MAP3K15: variants seen among roughly 807,000 people sequenced by gnomAD.
The protein encoded by MAP3K15 is mitogen-activated protein kinase kinase kinase 15.
A neutral mutation model predicts 99.5 loss-of-function variants in MAP3K15; 124 were observed. That is an observed-to-expected ratio of 1.25 (90% CI 1.08 to 1.45). MAP3K15 has a LOEUF of 1.45. Ranked by LOEUF, MAP3K15 falls within the 40% of genes most tolerant of loss-of-function variation. The pLI is 0.00. For missense variants in MAP3K15, 1,242 were observed against 1,079.7 expected (o/e 1.15, Z -2.11); for synonymous variants, 494 against 439.6 (o/e 1.12, Z -1.55).
intron 19 of MAP3K15, among the ~76,000 whole-genome samples, chrX:19,379,440 CCTT>C (rs1326004626): frequency 1.2e-5 from 1 of 85,534 alleles, no homozygotes; most frequent in African/African-American, 5.3e-5. Flanking sequence ...TAGTGTTTTT[CCTT>C]TTTTTTTTTT....
At position 19,515,375 on chromosome X, in the gene MAP3K15, G is replaced by A. The variant is rs2064555786; in HGVS notation, c.-114C>T. The stretch of plus-strand genomic sequence containing the variant: ...CCCGGCACCTGCTCCTGAAGCGCGG[G>A]ACGCTACGGGAATCGAGGGAACGGA... On this transcript the variant is annotated 5_prime_UTR_variant, in exon 1 of 29. Coordinates refer to ENST00000338883, the MANE Select transcript of MAP3K15 (RefSeq NM_001001671.4). The A allele has an allele frequency of 2.3e-6, 1 of 427,320 alleles. No individual in the cohort carries two copies. Among genetic ancestry groups the A allele is most frequent in the Non-Finnish European group, 3.0e-6 (1 of 329,733 alleles). 35.2% of individuals were successfully genotyped at this position (427,320 alleles called of 1,213,427 possible).
chrX:19,424,253 TACACATATATATACACACATATATAC>T (rs2063811286), intron 9 of MAP3K15, among the ~76,000 whole-genome samples: 2 of 105,401 alleles, frequency 1.9e-5, no homozygotes, highest in Non-Finnish European at 3.8e-5. Context: ...TACATATATA[TACACATATATATACACACATATATAC>T]ACACATATAT....
intron 25 of MAP3K15, among the ~76,000 whole-genome samples, chrX:19,366,058 A>C (rs1293554434): frequency 1.9e-5 from 2 of 107,718 alleles, no homozygotes; most frequent in African/African-American, 6.8e-5. Context: ...TGAAGTTGCC[A>C]TGAGAAGTCA....
chrX:19,452,067 AGAG>A (rs1177643445), intron 6 of MAP3K15, among the ~76,000 whole-genome samples: 4 of 32 alleles, frequency 0.12, no homozygotes, highest in South Asian at 1. Flanking sequence ...AGAGAAGAGA[AGAG>A]AAGAGAAGAG....
intron 1 of MAP3K15, among the ~76,000 whole-genome samples, chrX:19,502,500 G>A (rs889709914): frequency 1.8e-5 from 2 of 111,439 alleles, no homozygotes; most frequent in Non-Finnish European, 3.8e-5. Flanking sequence ...GCCCTCCCCA[G>A]CCATGCTAAA....
chrX:19,444,839 A>T (rs2063984050), intron 6 of MAP3K15, among the ~76,000 whole-genome samples: 1 of 111,399 alleles, frequency 9.0e-6, no homozygotes, highest in Non-Finnish European at 1.9e-5. Context: ...CGAAAGACAC[A>T]CAATGGCCTG....
At chrX:19,471,206 AAG>A (rs920164234) in intron 3 of MAP3K15, among the ~76,000 whole-genome samples, 5 of 111,880 alleles carry the variant, frequency 4.5e-5, no homozygotes, top group African/African-American at 1.6e-4. Context: ...GTCCCAGAAG[AAG>A]AGGAGAGAAA....
chrX:19,500,745 C>A (rs1463254913), intron 1 of MAP3K15, among the ~76,000 whole-genome samples: 1 of 112,505 alleles, frequency 8.9e-6, no homozygotes, highest in Admixed American at 9.5e-5. Flanking sequence ...GGGATTGAAA[C>A]AGCACCTATT....
chrX:19,413,054 C>A (rs189841049), intron 11 of MAP3K15, among the ~76,000 whole-genome samples: 4 of 109,066 alleles, frequency 3.7e-5, no homozygotes, highest in Non-Finnish European at 7.6e-5. Flanking sequence ...CCTCTACCCA[C>A]TTCCCTAAGG....
At chrX:19,431,989 A>C (rs1386049732) in intron 6 of MAP3K15, among the ~76,000 whole-genome samples, 1 of 102,109 alleles carries the variant, frequency 9.8e-6, no homozygotes, top group Non-Finnish European at 2.0e-5. Flanking sequence ...ACATATACGC[A>C]TTCATCATGC....
chrX:19,378,832 G>A (rs186558955), intron 19 of MAP3K15, among the ~76,000 whole-genome samples: 8 of 111,519 alleles, frequency 7.2e-5, no homozygotes, highest in Non-Finnish European at 1.1e-4. Context: ...ACCCCCACCC[G>A]CAATGCTCAA....
intron 16 of MAP3K15, among the ~76,000 whole-genome samples, chrX:19,393,799 G>A (rs1300188257): frequency 2.9e-5 from 2 of 70,085 alleles, no homozygotes; most frequent in Non-Finnish European, 5.0e-5. Context: ...TGAAGACGGA[G>A]TCTCACTGTG....
At chrX:19,442,523 A>T (rs1170420696) in intron 6 of MAP3K15, among the ~76,000 whole-genome samples, 1 of 46,817 alleles carries the variant, frequency 2.1e-5, no homozygotes. Context: ...CCCATTCAAC[A>T]ATTTTTTTTT....
chrX:19,400,604 T>G lies in MAP3K15; in HGVS notation c.1904A>C (p.Glu635Ala). The stretch of plus-strand genomic sequence containing the variant: ...CAAGGTGTCTCCATCGGTCTCTCCC[T>G]CCAGCTCCACCGTACTGCCTGCTGT... ...TNTAGSTVELEGETDGDTLEY... is the reference protein window; with the variant it reads ...TNTAGSTVELAGETDGDTLEY... The change falls in exon 14 of 29, where the codon GAG (glutamate) becomes GCG (alanine). Residue 635 changes from glutamate (E) to alanine (A), a missense_variant. Physicochemically the swap from Glu to Ala is moderately radical, Grantham distance 107 (BLOSUM62 -1). Transcript: ENST00000338883. 8.3e-7 allele frequency: 1 copy of G among 1,207,868 alleles called. No individual in the cohort carries two copies.
At chrX:19,399,790 C>G (rs1459917603) in intron 14 of MAP3K15, among the ~76,000 whole-genome samples, 1 of 103,127 alleles carries the variant, frequency 9.7e-6, no homozygotes, top group Non-Finnish European at 2.0e-5. Flanking sequence ...GGATCTCCAT[C>G]AGTGTCTGAT....
intron 9 of MAP3K15, 97 bp from the exon 10 acceptor site, chrX:19,415,354 T>G: frequency 1.2e-6 from 1 of 821,917 alleles, no homozygotes; most frequent in Non-Finnish European, 1.6e-6. Flanking sequence ...TTTTATTCAC[T>G]TAAATTCATA....
intron 1 of MAP3K15, among the ~76,000 whole-genome samples, chrX:19,500,817 T>C (rs1013637073): frequency 2.7e-5 from 3 of 112,091 alleles, no homozygotes; most frequent in African/African-American, 9.7e-5. Context: ...AAAACTACGT[T>C]TGGAAGTTCA....
Position 19,464,394 on chromosome X carries a change from T to C in MAP3K15, c.538A>G (p.Asn180Asp). 8.5e-7 allele frequency: 1 copy of C among 1,181,006 alleles called. No homozygotes were observed. The highest frequency in any genetic ancestry group is 1.8e-5 in the South Asian group (1 of 54,847). The stretch of plus-strand genomic sequence containing the variant: ...ACGATGTATGGGATGAAATAATAAT[T>C]TCCACTGGATGCCTGGAAAAAAGAA... ...VTQKNTASSG[N>D]YYFIPYIVTP... The change falls in exon 4 of 29, where the codon AAT becomes GAT. Residue 180 changes from asparagine (N) to aspartate (D), a missense_variant. Asn to Asp is a conservative substitution (Grantham distance 23, BLOSUM62 1). Transcript: ENST00000338883.
intron 25 of MAP3K15, among the ~76,000 whole-genome samples, chrX:19,368,742 G>C (rs1183161302): frequency 9.0e-6 from 1 of 111,450 alleles, no homozygotes; most frequent in Non-Finnish European, 1.9e-5. Flanking sequence ...CCCCGTCTTG[G>C]TGAAAAGAGA....
Sources: gnomAD v4.1 joint callset for allele counts (sites outside exome capture counted in the v4.1 genomes callset) on GRCh38, gnomAD v4.1.1 for gene constraint, MANE v1.5 for transcripts, NCBI Gene and HGNC (gene_info 2026-07-23, HGNC 2026-07-21) for gene names.